USP13: variants seen among roughly 807,000 people sequenced by gnomAD.
USP13 encodes ubiquitin specific peptidase 13.
USP13 carries 68 observed loss-of-function variants against 107.8 expected under a neutral mutation model. The ratio of observed to expected loss-of-function variants is 0.63; its 90% CI spans 0.52 to 0.77. The LOEUF (loss-of-function observed/expected upper bound fraction) is 0.77. USP13 is among the 30% of genes least tolerant of loss of function. The pLI is 0.00. For synonymous variants in USP13, 377 were observed against 389.5 expected, an observed-to-expected ratio of 0.97 and a Z score of 0.38; for missense variants, 945 against 1,093.3, an observed-to-expected ratio of 0.86 and a Z score of 1.91.
intron 19 of USP13, among the ~76,000 whole-genome samples, chr3:179,780,538 G>A (rs927887625): frequency 2.0e-5 from 3 of 152,180 alleles, no homozygotes; most frequent in African/African-American, 7.2e-5. Flanking sequence ...TGGATAGGGG[G>A]GGAAGAAGAA....
intron 3 of USP13, among the ~76,000 whole-genome samples, chr3:179,694,802 A>AT (rs71182510): frequency 2.2e-5 from 2 of 89,158 alleles, no homozygotes; most frequent in Admixed American, 2.2e-4. Flanking sequence ...TCCATCTCAA[A>AT]AAAAAAAAAA....
intron 1 of USP13, among the ~76,000 whole-genome samples, chr3:179,667,210 C>G (rs1472737763): frequency 6.6e-6 from 1 of 151,848 alleles, no homozygotes; most frequent in African/African-American, 2.4e-5. Context: ...ACATCTTTTA[C>G]TCGGTAATTC....
chr3:179,692,112 T>C (rs1241408910), intron 3 of USP13, among the ~76,000 whole-genome samples: 1 of 152,226 alleles, frequency 6.6e-6, no homozygotes, highest in Non-Finnish European at 1.5e-5. Context: ...TACACACACA[T>C]ACACATGTGT....
At chr3:179,756,413 AAAACAAACAAAC>A (rs71628093) in intron 15 of USP13, among the ~76,000 whole-genome samples, 40,969 of 150,160 alleles carry the variant, frequency 0.27, 5,673 homozygotes, top group African/African-American at 0.3. Flanking sequence ...CTGTCTCAAA[AAAACAAACAAAC>A]AAACAAACAA....
At chr3:179,693,652 A>C (rs1009056158) in intron 3 of USP13, among the ~76,000 whole-genome samples, 2 of 152,058 alleles carry the variant, frequency 1.3e-5, no homozygotes, top group African/African-American at 4.8e-5. Flanking sequence ...GGTAAATTTA[A>C]AACACTAGTA....
chr3:179,673,796 G>A (rs916814985), intron 1 of USP13, among the ~76,000 whole-genome samples: 9 of 152,198 alleles, frequency 5.9e-5, no homozygotes, highest in African/African-American at 2.2e-4. Flanking sequence ...GACTTGGGCC[G>A]AGTTCACCTA....
At chr3:179,751,472 C>T (rs1353907514) in intron 13 of USP13, among the ~76,000 whole-genome samples, 2 of 152,070 alleles carry the variant, frequency 1.3e-5, no homozygotes, top group Non-Finnish European at 2.9e-5. Context: ...GCCCTTCGTC[C>T]GCCAACTCTG....
In USP13 at chr3:179,788,371, A is replaced by G. The variant is rs1715969939; in HGVS notation, c.*4230A>G. On this transcript the variant is annotated 3_prime_UTR_variant, in exon 21 of 21. Coordinates refer to ENST00000263966, the MANE Select transcript of USP13 (RefSeq NM_003940.3). ...GTTACAGAGATTTTCCACTCCATAA[A>G]TCACTCTAAAAGAGTTTGCATAAGA... is the stretch of plus-strand genomic sequence containing the variant. 1 of 152,206 alleles carries G rather than the reference A, an allele frequency of 6.6e-6. No individual in the cohort carries two copies. The highest frequency in any genetic ancestry group is 6.5e-5 in the Admixed American group (1 of 15,286). 9.4% of individuals were successfully genotyped at this position (152,206 alleles called of 1,614,324 possible).
chr3:179,700,398 C>T (rs1712474010), intron 3 of USP13, among the ~76,000 whole-genome samples: 2 of 152,160 alleles, frequency 1.3e-5, no homozygotes, highest in South Asian at 4.1e-4. Flanking sequence ...TATGCCAAGC[C>T]TCTTGTTCTC....
At chr3:179,750,412 T>G (rs1176613371) in intron 13 of USP13, among the ~76,000 whole-genome samples, 3 of 150,206 alleles carry the variant, frequency 2.0e-5, no homozygotes, top group Admixed American at 6.7e-5. Context: ...TGGTGACATT[T>G]AAATAAGAAT....
At chr3:179,702,540 A>G (rs1304321775) in intron 4 of USP13, among the ~76,000 whole-genome samples, 1 of 152,168 alleles carries the variant, frequency 6.6e-6, no homozygotes, top group African/African-American at 2.4e-5. Context: ...GTCCCTGCCA[A>G]GAGGGGACAT....
intron 16 of USP13, chr3:179,757,287 C>G (rs1205331817): frequency 1.6e-5 from 9 of 568,994 alleles, no homozygotes; most frequent in Non-Finnish European, 2.5e-5. Context: ...ATGAAGCTAA[C>G]TAGCCCTGGG....
At chr3:179,779,299 C>T (rs1334669179) in intron 19 of USP13, among the ~76,000 whole-genome samples, 1 of 151,488 alleles carries the variant, frequency 6.6e-6, no homozygotes, top group African/African-American at 2.4e-5. Flanking sequence ...TTTGGGAGGC[C>T]GAGATGGGTG....
In USP13 at chr3:179,704,728, C is replaced by T. The variant is rs577960995; in HGVS notation, c.478-2206C>T. Reference sequence around the variant, plus strand: ...GAGTTTTCAAAATGGAAAGAAAAAGCTAATTATACAACAGCATTTGTAGTG... The same window carrying T: ...GAGTTTTCAAAATGGAAAGAAAAAGTTAATTATACAACAGCATTTGTAGTG... On this transcript the variant is annotated intron_variant, in intron 4 of 20. Coordinates refer to ENST00000263966, the MANE Select transcript of USP13 (RefSeq NM_003940.3). 1.8e-4 allele frequency among the ~76,000 whole-genome samples: 27 copies of T among 152,250 alleles called. 1 individual carries two copies. Among genetic ancestry groups the T allele is most frequent in the African/African-American group, 6.3e-4 (26 of 41,540 alleles).
rs1238669607 is a variant in USP13, at chr3:179,742,539, C to T, written c.1534+189C>T. On this transcript the variant is annotated intron_variant, in intron 12 of 20. Coordinates refer to ENST00000263966, the MANE Select transcript of USP13 (RefSeq NM_003940.3). The surrounding 1 kb of genome is among the most constrained non-coding windows in gnomAD (Gnocchi z 5.0). ...CTTTTCCTTTGAGAAGAATCAAATG[C>T]ATCACAGGTTTTATGGAGGCGTTAT... 2.0e-5 allele frequency among the ~76,000 whole-genome samples: 3 copies of T among 152,200 alleles called. No homozygotes were observed. Among genetic ancestry groups the T allele is most frequent in the Non-Finnish European group, 4.4e-5 (3 of 68,042 alleles).
At chr3:179,764,245 C>T in intron 18 of USP13, 77 bp downstream of exon 18, 1 of 1,503,516 alleles carries the variant, frequency 6.7e-7, no homozygotes, top group African/African-American at 1.4e-5. Context: ...TGAGACTTTC[C>T]AATGTACTTT....
chr3:179,740,454 C>G lies in USP13; in HGVS notation c.1380+82C>G, dbSNP rs191631742. 606 of 1,569,776 alleles carry G rather than the reference C, an allele frequency of 3.9e-4. 2 individuals are homozygous for G. The African/African-American group carries it at 7.4e-3, about 19-fold the overall frequency. Reference sequence around the variant, plus strand: ...TCAGTGCAGTCTGCTGTGGCTTGATCAGAATGCCTCCCCACTCTCTTTCTT... The same window carrying G: ...TCAGTGCAGTCTGCTGTGGCTTGATGAGAATGCCTCCCCACTCTCTTTCTT... On this transcript the variant is annotated intron_variant, in intron 11 of 20. Coordinates refer to ENST00000263966, the MANE Select transcript of USP13 (RefSeq NM_003940.3).
At chr3:179,714,068 C>T (rs1178695469) in intron 6 of USP13, among the ~76,000 whole-genome samples, 1 of 152,120 alleles carries the variant, frequency 6.6e-6, no homozygotes, top group Non-Finnish European at 1.5e-5. Flanking sequence ...TGGGAGGACG[C>T]ATTGTTTCGG....
At chr3:179,741,527 T>A (rs1407395101) in intron 11 of USP13, among the ~76,000 whole-genome samples, 1 of 152,118 alleles carries the variant, frequency 6.6e-6, no homozygotes, top group African/African-American at 2.4e-5. Flanking sequence ...GCTAATTTTT[T>A]TGTATTTTTA....
Sources: allele counts gnomAD v4.1 joint callset (sites outside exome capture counted in the v4.1 genomes callset), GRCh38; gene constraint gnomAD v4.1.1; non-coding constraint Gnocchi (gnomAD v3.1); transcripts MANE v1.5; gene names NCBI Gene and HGNC (gene_info 2026-07-23, HGNC 2026-07-21).